Variants in OPCML observed in about 807,000 individuals in gnomAD.
The protein encoded by OPCML is opioid binding protein/cell adhesion molecule like.
Under a neutral mutation model 37.8 loss-of-function variants are expected in OPCML, and 13 were observed. The ratio of observed to expected loss-of-function variants is 0.34; its 90% CI spans 0.22 to 0.55. The LOEUF (loss-of-function observed/expected upper bound fraction) is 0.55. Among genes scored for constraint, OPCML ranks in the 20% least tolerant of loss-of-function variants. OPCML has a pLI of 0.91. For synonymous variants in OPCML, 176 were observed against 168.8 expected, an observed-to-expected ratio of 1.04 and a Z score of -0.33; for missense variants, 341 against 435.6, an observed-to-expected ratio of 0.78 and a Z score of 1.93.
At chr11:133,295,653 GA>G in intron 1 of OPCML, among the ~76,000 whole-genome samples, 1 of 152,182 alleles carries the variant, frequency 6.6e-6, no homozygotes, top group Non-Finnish European at 1.5e-5. Flanking sequence ...TCCCTAGACA[GA>G]GCACCCCAGA....
chr11:132,943,749 G>A lies in OPCML; in HGVS notation c.62-739C>T, dbSNP rs1317050381. 33 of 150,888 alleles carry A rather than the reference G, an allele frequency of 2.2e-4. 1 individual carries two copies. The highest frequency in any genetic ancestry group is 2.1e-3 in the Admixed American group (32 of 15,138). The allele number at this position is 150,888 out of a possible 1,614,324, so 9.3% of individuals were successfully genotyped here. On this transcript the variant is annotated intron_variant, in intron 1 of 7. Transcript: ENST00000524381. This position sits in a 1 kb window ranked among gnomAD's most constrained non-coding sequence, Gnocchi z 4.3. Reference sequence around the variant, plus strand: ...CCCGGTCGGCGACTCGCGGCCAGCCGGGGGAGCGCCGCCCGGCGCAGGCTC... The same window carrying A: ...CCCGGTCGGCGACTCGCGGCCAGCCAGGGGAGCGCCGCCCGGCGCAGGCTC...
intron 3 of OPCML, among the ~76,000 whole-genome samples, chr11:132,532,029 T>C (rs926815516): frequency 7.2e-5 from 11 of 152,108 alleles, no homozygotes; most frequent in African/African-American, 2.7e-4. Flanking sequence ...AGGATAGAAC[T>C]CAGCACAGCC....
At chr11:133,397,029 T>C (rs1355020633) in intron 1 of OPCML, among the ~76,000 whole-genome samples, 1 of 152,120 alleles carries the variant, frequency 6.6e-6, no homozygotes, top group Admixed American at 6.5e-5. Flanking sequence ...AACGTGCACA[T>C]AGTAGCACTC....
chr11:133,294,453 G>T (rs1181891191), intron 1 of OPCML, among the ~76,000 whole-genome samples: 3 of 152,130 alleles, frequency 2.0e-5, no homozygotes, highest in African/African-American at 7.2e-5. Context: ...GGACCAAGTT[G>T]ATAAGTTAAT....
intron 4 of OPCML, among the ~76,000 whole-genome samples, chr11:132,451,150 A>G (rs893794314): frequency 1.3e-5 from 2 of 152,218 alleles, no homozygotes; most frequent in African/African-American, 4.8e-5. Flanking sequence ...TGATATTTAC[A>G]TTATTAAATC....
At chr11:133,528,863 G>A (rs554152926) in intron 1 of OPCML, among the ~76,000 whole-genome samples, 1 of 150,780 alleles carries the variant, frequency 6.6e-6, no homozygotes, top group East Asian at 2.0e-4. Flanking sequence ...ATACAAACAG[G>A]ATGGGCCAAG....
rs2096267761 is a variant in OPCML at position 132,511,057 on chromosome 11, T to C, written c.505+18004A>G. Among the ~76,000 whole-genome samples the C allele has an allele frequency of 2.6e-5, 4 of 152,092 alleles. No individual in the cohort carries two copies. In the South Asian group the frequency reaches 8.3e-4, roughly 32 times the overall value. On this transcript the variant is annotated intron_variant, in intron 4 of 7. Coordinates refer to ENST00000524381, the MANE Select transcript of OPCML (RefSeq NM_001012393.5). Reference sequence around the variant, plus strand: ...CTATCTCCTCATAGAGGACATATCATTTATGTAAAAAATCTTAAGTATCTA... The same window carrying C: ...CTATCTCCTCATAGAGGACATATCACTTATGTAAAAAATCTTAAGTATCTA...
At chr11:133,353,285 G>A (rs995053872) in intron 1 of OPCML, among the ~76,000 whole-genome samples, 2 of 151,978 alleles carry the variant, frequency 1.3e-5, no homozygotes, top group African/African-American at 4.8e-5. Flanking sequence ...TCTGGCCTCA[G>A]CCTCCCAAGT....
intron 1 of OPCML, among the ~76,000 whole-genome samples, chr11:133,047,034 TCAAA>T (rs1270383063): frequency 2.0e-5 from 3 of 152,282 alleles, no homozygotes; most frequent in African/African-American, 7.2e-5. Context: ...AGAGAAGGCT[TCAAA>T]CAGAGCTGTG....
Position 133,215,716 on chromosome 11 carries a change from C to T in OPCML, c.62-272706G>A, listed in dbSNP as rs80155743. On this transcript the variant is annotated intron_variant, in intron 1 of 7. Transcript: ENST00000524381. ...CCCCGAGGGAGCAGAACCCAGGTCA[C>T]ACTGACCTGGCAGGAGGCTGTACAA... 3.3e-3 allele frequency among the ~76,000 whole-genome samples: 508 copies of T among 152,234 alleles called. 6 individuals are homozygous for T. The highest frequency in any genetic ancestry group is 0.011 in the African/African-American group (465 of 41,534).
intron 1 of OPCML, among the ~76,000 whole-genome samples, chr11:133,287,632 A>G (rs1014187322): frequency 1.3e-5 from 2 of 152,074 alleles, no homozygotes; most frequent in Non-Finnish European, 2.9e-5. Context: ...AATGGGCTGC[A>G]GCGCCTGGGG....
At chr11:133,213,381 A>C (rs66865033) in intron 1 of OPCML, among the ~76,000 whole-genome samples, 86 of 152,250 alleles carry the variant, frequency 5.6e-4, no homozygotes, top group African/African-American at 1.9e-3. Context: ...TCATTGCATA[A>C]TGAACATCTA....
At chr11:133,297,247 C>G (rs1257958046) in intron 1 of OPCML, 1 of 152,162 alleles carries the variant, frequency 6.6e-6, no homozygotes, top group Non-Finnish European at 1.5e-5. Flanking sequence ...TTTACTGCAA[C>G]CACCTTATAT....
At chr11:132,528,161 G>A (rs569916598) in intron 4 of OPCML, among the ~76,000 whole-genome samples, 3 of 151,294 alleles carry the variant, frequency 2.0e-5, no homozygotes, top group African/African-American at 4.9e-5. Context: ...CTTCTGTTAC[G>A]GTTAGGGCTT....
intron 1 of OPCML, among the ~76,000 whole-genome samples, chr11:133,512,115 T>C (rs910132724): frequency 3.9e-5 from 6 of 152,306 alleles, no homozygotes; most frequent in Admixed American, 1.3e-4. Flanking sequence ...AAGAGCTTGG[T>C]TCCATAAGAC....
chr11:133,026,824 G>C (rs986665023), intron 1 of OPCML, among the ~76,000 whole-genome samples: 2 of 152,144 alleles, frequency 1.3e-5, no homozygotes, highest in African/African-American at 4.8e-5. Context: ...AAAAATATTA[G>C]ATTTCTAATG....
At chr11:132,640,343 A>C (rs1940779522) in intron 3 of OPCML, among the ~76,000 whole-genome samples, 1 of 152,164 alleles carries the variant, frequency 6.6e-6, no homozygotes, top group African/African-American at 2.4e-5. Flanking sequence ...GAGTCTTCAC[A>C]TCTCCTAAAT....
chr11:133,406,006 C>T (rs1277657422), intron 1 of OPCML, among the ~76,000 whole-genome samples: 1 of 152,144 alleles, frequency 6.6e-6, no homozygotes, highest in Non-Finnish European at 1.5e-5. Context: ...CTCCTTTTGT[C>T]TGGGTCTTGC....
intron 4 of OPCML, among the ~76,000 whole-genome samples, chr11:132,440,439 G>A (rs1455548727): frequency 1.3e-5 from 2 of 152,012 alleles, no homozygotes; most frequent in East Asian, 1.9e-4. Context: ...TGGCTGGGCC[G>A]GGGCCCCCAC....
Sources: allele counts gnomAD v4.1 joint callset (sites outside exome capture counted in the v4.1 genomes callset), GRCh38; gene constraint gnomAD v4.1.1; non-coding constraint Gnocchi (gnomAD v3.1); transcripts MANE v1.5; gene names NCBI Gene and HGNC (gene_info 2026-07-23, HGNC 2026-07-21).